VPS41: variants seen among roughly 807,000 people sequenced by gnomAD.
VPS41 encodes VPS41 subunit of HOPS complex, also known as vacuolar protein sorting-associated protein 41 homolog.
A neutral mutation model predicts 130.9 loss-of-function variants in VPS41; 85 were observed. The ratio of observed to expected loss-of-function variants is 0.65; its 90% confidence interval spans 0.55 to 0.78. The LOEUF is 0.78. VPS41 is among the 30% of genes least tolerant of loss of function. The pLI is 0.00. For synonymous variants in VPS41, 335 were observed against 332.9 expected, an observed-to-expected ratio of 1.01 and a Z score of -0.07; for missense variants, 874 against 1,018.7, an observed-to-expected ratio of 0.86 and a Z score of 1.93.
chr7:38,856,596 G>A (rs935877753), intron 4 of VPS41, among the ~76,000 whole-genome samples: 7 of 152,024 alleles, frequency 4.6e-5, no homozygotes, highest in East Asian at 1.9e-4. Flanking sequence ...GATACCAAAC[G>A]GCAGCAGAGA....
At chr7:38,831,655 T>C (rs527821307) in intron 4 of VPS41, among the ~76,000 whole-genome samples, 1 of 152,370 alleles carries the variant, frequency 6.6e-6, no homozygotes, top group Admixed American at 6.5e-5. Context: ...TAATATTCTG[T>C]AAATCACATT....
chr7:38,844,356 G>A (rs535701982), intron 4 of VPS41, among the ~76,000 whole-genome samples: 43 of 152,212 alleles, frequency 2.8e-4, no homozygotes, highest in African/African-American at 9.1e-4. Context: ...ATATATCTCC[G>A]TAGAGCCCTA....
intron 25 of VPS41, among the ~76,000 whole-genome samples, chr7:38,735,774 C>T (rs1795750953): frequency 6.6e-6 from 1 of 152,126 alleles, no homozygotes. Flanking sequence ...ACTTTGAAAA[C>T]AACTATTCCA....
intron 7 of VPS41, among the ~76,000 whole-genome samples, chr7:38,812,357 T>G (rs562930930): frequency 1.3e-5 from 2 of 152,102 alleles, no homozygotes; most frequent in East Asian, 1.9e-4. Flanking sequence ...AAGAATAAAT[T>G]TGGACTCCTG....
chr7:38,771,375 A>C, intron 13 of VPS41, 121 bp from the exon 14 acceptor site: 1 of 704,828 alleles, frequency 1.4e-6, no homozygotes, highest in Non-Finnish European at 2.4e-6. Context: ...ATTATGGTTT[A>C]GCATTCTGCA....
intron 22 of VPS41, among the ~76,000 whole-genome samples, chr7:38,746,563 T>C (rs1044865999): frequency 1.3e-5 from 2 of 151,942 alleles, no homozygotes; most frequent in African/African-American, 4.8e-5. Flanking sequence ...CAAAGGGCCA[T>C]GTGTACAGAG....
chr7:38,860,955 C>CA (rs34778938), intron 4 of VPS41, among the ~76,000 whole-genome samples: 8 of 151,288 alleles, frequency 5.3e-5, no homozygotes, highest in Non-Finnish European at 8.8e-5. Context: ...CCTCCCTTGC[C>CA]AAAAAAAGGT....
chr7:38,834,227 T>A (rs909372723), intron 4 of VPS41, among the ~76,000 whole-genome samples: 2 of 152,198 alleles, frequency 1.3e-5, no homozygotes, highest in African/African-American at 4.8e-5. Context: ...GCTCTCCCTT[T>A]GTTATCTTTG....
At chr7:38,895,501 T>C (rs998301216) in intron 2 of VPS41, among the ~76,000 whole-genome samples, 1 of 152,172 alleles carries the variant, frequency 6.6e-6, no homozygotes, top group Non-Finnish European at 1.5e-5. Flanking sequence ...TGGATGTTAC[T>C]TGTCATTTCA....
chr7:38,885,074 T>C (rs191758214), intron 2 of VPS41, among the ~76,000 whole-genome samples: 12 of 152,172 alleles, frequency 7.9e-5, no homozygotes, highest in Admixed American at 2.6e-4. Flanking sequence ...ATTTTATTTT[T>C]TATTTATTTA....
chr7:38,805,353 T>A (rs1052995019), intron 7 of VPS41, among the ~76,000 whole-genome samples: 1 of 152,002 alleles, frequency 6.6e-6, no homozygotes, highest in African/African-American at 2.4e-5. Flanking sequence ...GCCAACATGG[T>A]GAAGCTCCGT....
At chr7:38,784,868 TTC>T (rs113721264) in intron 10 of VPS41, among the ~76,000 whole-genome samples, 1,874 of 152,262 alleles carry the variant, frequency 0.012, 49 homozygotes, top group African/African-American at 0.041. Context: ...TTTCCCCCAT[TTC>T]TTATTCCCTT....
At chr7:38,783,767 T>C (rs1207940143) in intron 10 of VPS41, among the ~76,000 whole-genome samples, 2 of 152,104 alleles carry the variant, frequency 1.3e-5, no homozygotes, top group Admixed American at 6.5e-5. Context: ...AAAACCCTAA[T>C]GGATATTAGA....
At chr7:38,783,605 A>T (rs1784390841) in intron 10 of VPS41, among the ~76,000 whole-genome samples, 1 of 152,180 alleles carries the variant, frequency 6.6e-6, no homozygotes, top group Non-Finnish European at 1.5e-5. Context: ...AACAAAAAAT[A>T]GCACAGCGCA....
chr7:38,829,809 T>C (rs1266819610), intron 5 of VPS41, among the ~76,000 whole-genome samples: 1 of 152,244 alleles, frequency 6.6e-6, no homozygotes, highest in Admixed American at 6.5e-5. Context: ...TATGATTGCT[T>C]ATCAAAAGAT....
rs76475448 is a variant in VPS41, at chr7:38,867,106, T to C, written c.168+2040A>G. 9.9e-3 allele frequency among the ~76,000 whole-genome samples: 1,507 copies of C among 152,254 alleles called. 22 individuals are homozygous for C. The highest frequency in any genetic ancestry group is 0.035 in the African/African-American group (1,437 of 41,534). On this transcript the variant is annotated intron_variant, in intron 3 of 28. Coordinates refer to ENST00000310301, the MANE Select transcript of VPS41 (RefSeq NM_014396.4). Reference sequence around the variant, plus strand: ...TGCATTTACATGAAATACACCAAAATAGGCAAATCTATATAGATACGAGGT... The same window carrying C: ...TGCATTTACATGAAATACACCAAAACAGGCAAATCTATATAGATACGAGGT...
At chr7:38,749,803 T>C (rs568721613) in intron 22 of VPS41, among the ~76,000 whole-genome samples, 2 of 152,238 alleles carry the variant, frequency 1.3e-5, no homozygotes, top group Non-Finnish European at 2.9e-5. Context: ...TCATGTCACA[T>C]GTAAACATAA....
In VPS41 at chr7:38,763,528, G is replaced by C; in HGVS notation, c.1349C>G (p.Pro450Arg). Reference sequence around the variant, plus strand: ...TGGTTTCAGAACTGGATCACCTCTTGGCAAATAAGGACTAATAGCCTAGGT... The same window carrying C: ...TGGTTTCAGAACTGGATCACCTCTTCGCAAATAAGGACTAATAGCCTAGGT... Reference protein sequence around the residue: ...GQLKAISPYLPRGDPVLKPLI... With the variant: ...GQLKAISPYLRRGDPVLKPLI... Residue 450 changes from proline (P) to arginine (R), a missense_variant, in exon 17 of 29, where the codon CCA becomes CGA. Coordinates refer to ENST00000310301, the MANE Select transcript of VPS41 (RefSeq NM_014396.4). The C allele has an allele frequency of 6.2e-7, 1 of 1,604,946 alleles. No homozygotes were observed. The highest frequency in any genetic ancestry group is 8.5e-7 in the Non-Finnish European group (1 of 1,176,900).
At chr7:38,860,149 A>C (rs1584432302) in intron 4 of VPS41, among the ~76,000 whole-genome samples, 2 of 152,346 alleles carry the variant, frequency 1.3e-5, no homozygotes, top group East Asian at 3.9e-4. Context: ...CATTTACAAA[A>C]TGATCTCTGA....
Sources: gnomAD v4.1 joint callset for allele counts (sites outside exome capture counted in the v4.1 genomes callset) on GRCh38, gnomAD v4.1.1 for gene constraint, MANE v1.5 for transcripts, NCBI Gene and HGNC (gene_info 2026-07-23, HGNC 2026-07-21) for gene names.